Variants in AGBL4 observed in about 807,000 individuals in gnomAD.
The protein encoded by AGBL4 is cytosolic carboxypeptidase 6.
AGBL4 carries 58 observed loss-of-function variants against 66.4 expected under a neutral mutation model. The observed-to-expected ratio is 0.87, with a 90% CI of 0.71 to 1.09. AGBL4 has a LOEUF of 1.09. AGBL4 is among the 50% of genes least tolerant of loss of function. The probability of loss-of-function intolerance (pLI) is 0.00; values close to 1 mark genes in which losing one functional copy is unlikely to be tolerated. For missense variants in AGBL4, 579 were observed against 631.0 expected (o/e 0.92, Z 0.88); for synonymous variants, 234 against 222.9 (o/e 1.05, Z -0.44).
intron 12 of AGBL4, 65 bp downstream of exon 12, chr1:48,539,577 A>C: frequency 7.8e-7 from 1 of 1,278,928 alleles, no homozygotes; most frequent in Non-Finnish European, 1.0e-6. Context: ...GGCTAAGGGA[A>C]GTTGCCCCTG....
intron 4 of AGBL4, among the ~76,000 whole-genome samples, chr1:49,078,500 TTC>T (rs1483619021): frequency 2.4e-4 from 37 of 152,170 alleles, no homozygotes; most frequent in Admixed American, 2.4e-3. Flanking sequence ...TCCTTGGATC[TTC>T]TCTTTCTGTC....
At chr1:49,087,635 G>T (rs1644931698) in intron 4 of AGBL4, among the ~76,000 whole-genome samples, 1 of 152,128 alleles carries the variant, frequency 6.6e-6, no homozygotes, top group Non-Finnish European at 1.5e-5. Context: ...AAGAGAGGGA[G>T]AAAAATCAAG....
At chr1:49,905,472 G>C (rs1650183711) in intron 1 of AGBL4, among the ~76,000 whole-genome samples, 2 of 152,180 alleles carry the variant, frequency 1.3e-5, no homozygotes, top group Admixed American at 1.3e-4. Context: ...GGTCCAGGAT[G>C]GTTCAGATTA....
At chr1:49,617,784 G>T (rs1011247306) in intron 3 of AGBL4, among the ~76,000 whole-genome samples, 1 of 152,140 alleles carries the variant, frequency 6.6e-6, no homozygotes, top group Non-Finnish European at 1.5e-5. Flanking sequence ...AGATGTTATC[G>T]GTATACAATT....
intron 6 of AGBL4, among the ~76,000 whole-genome samples, chr1:48,835,978 C>A (rs1449693220): frequency 6.6e-6 from 1 of 151,972 alleles, no homozygotes; most frequent in African/African-American, 2.4e-5. Context: ...GGTTTTAAGC[C>A]AGTGGAGATG....
Position 49,129,306 on chromosome 1 carries a change from T to TGTA in AGBL4, c.378-83507_378-83506insTAC, listed in dbSNP as rs1314179288. Among the ~76,000 whole-genome samples the TGTA allele has an allele frequency of 4.6e-5, 7 of 152,022 alleles. No individual in the cohort carries two copies. The East Asian group carries it at 1.3e-3, about 29-fold the overall frequency. ...TTTTTGTTTTTTTTGTTGTTGTTGT[T>TGTA]GTTTTTTCATTTTATTATTATTATA... is the stretch of plus-strand genomic sequence containing the variant. On this transcript the variant is annotated intron_variant, in intron 4 of 13. Coordinates refer to ENST00000371839, the MANE Select transcript of AGBL4 (RefSeq NM_032785.4).
At chr1:49,827,493 C>T (rs1423543037) in intron 2 of AGBL4, among the ~76,000 whole-genome samples, 1 of 152,134 alleles carries the variant, frequency 6.6e-6, no homozygotes, top group Non-Finnish European at 1.5e-5. Context: ...CAATACACAT[C>T]TAGATACAGA....
At chr1:49,648,744 C>G (rs979843266) in intron 3 of AGBL4, among the ~76,000 whole-genome samples, 1 of 151,666 alleles carries the variant, frequency 6.6e-6, no homozygotes, top group African/African-American at 2.4e-5. Context: ...AACTACAATT[C>G]TTTTACTCTA....
intron 4 of AGBL4, among the ~76,000 whole-genome samples, chr1:49,237,090 C>T (rs1350590929): frequency 2.0e-5 from 3 of 149,134 alleles, no homozygotes; most frequent in Non-Finnish European, 4.4e-5. Flanking sequence ...CCCATCTCTA[C>T]TAAAAATACA....
At chr1:49,929,859 A>G (rs990294930) in intron 1 of AGBL4, among the ~76,000 whole-genome samples, 6 of 152,268 alleles carry the variant, frequency 3.9e-5, no homozygotes, top group African/African-American at 1.4e-4. Flanking sequence ...ACGGATAAAA[A>G]TTGAATTATA....
chr1:49,313,587 C>A (rs760284875), intron 3 of AGBL4, among the ~76,000 whole-genome samples: 4 of 152,062 alleles, frequency 2.6e-5, no homozygotes, highest in Non-Finnish European at 5.9e-5. Flanking sequence ...TGAGATAGTA[C>A]CTCATTGTGG....
chr1:49,430,190 A>C (rs1383330976), intron 3 of AGBL4, among the ~76,000 whole-genome samples: 2 of 152,014 alleles, frequency 1.3e-5, no homozygotes, highest in Non-Finnish European at 2.9e-5. Flanking sequence ...GATACTTCTC[A>C]AATGGAGCTC....
chr1:48,748,523 T>C (rs1044607282), intron 6 of AGBL4, among the ~76,000 whole-genome samples: 53 of 152,154 alleles, frequency 3.5e-4, no homozygotes, highest in African/African-American at 1.3e-3. Flanking sequence ...GGGTGCTGCC[T>C]CTGGAGGAGA....
intron 9 of AGBL4, among the ~76,000 whole-genome samples, chr1:48,617,639 G>T (rs1488266875): frequency 6.6e-6 from 1 of 152,124 alleles, no homozygotes; most frequent in African/African-American, 2.4e-5. Context: ...TATGCCCATG[G>T]GGATTCTCTC....
At chr1:48,719,261 C>T (rs1049493088) in intron 6 of AGBL4, among the ~76,000 whole-genome samples, 5 of 152,148 alleles carry the variant, frequency 3.3e-5, no homozygotes, top group African/African-American at 1.2e-4. Flanking sequence ...GGTCCAGGAG[C>T]TGCATGAAGG....
intron 5 of AGBL4, among the ~76,000 whole-genome samples, chr1:48,943,269 A>G (rs12040870): frequency 0.091 from 13,878 of 152,220 alleles, 719 homozygotes; most frequent in Non-Finnish European, 0.11. Flanking sequence ...TGGGCAAACA[A>G]TAACCAAATA....
chr1:49,962,275 T>C (rs1457627831), intron 1 of AGBL4, among the ~76,000 whole-genome samples: 3 of 152,132 alleles, frequency 2.0e-5, no homozygotes, highest in Non-Finnish European at 4.4e-5. Context: ...AATCTAAAAA[T>C]CATTTTGCTC....
intron 6 of AGBL4, among the ~76,000 whole-genome samples, chr1:48,734,139 G>C (rs1012016978): frequency 6.6e-6 from 1 of 152,142 alleles, no homozygotes; most frequent in Non-Finnish European, 1.5e-5. Flanking sequence ...GCAGCAAGAC[G>C]AAAGGTTACC....
intron 5 of AGBL4, among the ~76,000 whole-genome samples, chr1:48,955,431 T>A (rs1208810323): frequency 6.6e-6 from 1 of 152,200 alleles, no homozygotes; most frequent in Non-Finnish European, 1.5e-5. Flanking sequence ...AAGGATTTCC[T>A]CTCTCTCCTC....
Sources: gnomAD v4.1 joint callset for allele counts (sites outside exome capture counted in the v4.1 genomes callset) on GRCh38, gnomAD v4.1.1 for gene constraint, MANE v1.5 for transcripts, NCBI Gene and HGNC (gene_info 2026-07-23, HGNC 2026-07-21) for gene names.